Variants in AMPH observed in about 807,000 individuals in gnomAD.
AMPH encodes the protein amphiphysin (Stiff-Mann syndrome with breast cancer 128kD autoantigen).
Under a neutral mutation model 99.1 loss-of-function variants are expected in AMPH, and 49 were observed. The observed-to-expected ratio is 0.49, with a 90% CI of 0.39 to 0.63. The LOEUF (loss-of-function observed/expected upper bound fraction) is 0.63, where lower values mean the gene tolerates loss of function less well. AMPH is among the 20% of genes least tolerant of loss of function. The pLI is 0.00. For synonymous variants in AMPH, 314 were observed against 317.3 expected, an observed-to-expected ratio of 0.99 and a Z score of 0.11; for missense variants, 759 against 863.4, an observed-to-expected ratio of 0.88 and a Z score of 1.52.
chr7:38,615,685 G>C (rs892067117), intron 1 of AMPH, among the ~76,000 whole-genome samples: 2 of 152,136 alleles, frequency 1.3e-5, no homozygotes, highest in Admixed American at 1.3e-4. Context: ...TCACTTCTTG[G>C]GCTGCCCCTC....
chr7:38,544,841 A>G (rs57582937), intron 1 of AMPH, among the ~76,000 whole-genome samples: 12,699 of 152,206 alleles, frequency 0.083, 843 homozygotes, highest in East Asian at 0.31. Flanking sequence ...TTGACTTCAT[A>G]TCTTCACTTT....
intron 1 of AMPH, among the ~76,000 whole-genome samples, chr7:38,616,159 G>A (rs561992657): frequency 5.3e-5 from 8 of 152,216 alleles, no homozygotes; most frequent in South Asian, 4.1e-4. Flanking sequence ...CAAGCAAGTC[G>A]TAGTCTGAGT....
At chr7:38,497,474 A>T (rs1788974093) in intron 3 of AMPH, among the ~76,000 whole-genome samples, 1 of 152,120 alleles carries the variant, frequency 6.6e-6, no homozygotes, top group Non-Finnish European at 1.5e-5. Context: ...TTCATATAAC[A>T]TTGTCTATTC....
chr7:38,587,012 TACACACACACACAC>T (rs36077157), intron 1 of AMPH, among the ~76,000 whole-genome samples: 4 of 149,580 alleles, frequency 2.7e-5, no homozygotes, highest in Non-Finnish European at 5.9e-5. Flanking sequence ...ATTGTGTAAA[TACACACACACACAC>T]ACACACACAC....
At chr7:38,579,028 T>A (rs568921590) in intron 1 of AMPH, among the ~76,000 whole-genome samples, 2 of 152,174 alleles carry the variant, frequency 1.3e-5, no homozygotes, top group Non-Finnish European at 2.9e-5. Context: ...GCAAATCATA[T>A]CTTAGTGTTA....
intron 13 of AMPH, 102 bp downstream of exon 13, chr7:38,432,087 T>C (rs769708268): frequency 2.0e-6 from 2 of 1,015,632 alleles, no homozygotes; most frequent in Non-Finnish European, 3.2e-6. Flanking sequence ...CATCATTAAA[T>C]GTATGTGTCT....
chr7:38,398,169 C>A, intron 17 of AMPH, among the ~76,000 whole-genome samples: 1 of 128,882 alleles, frequency 7.8e-6, no homozygotes, highest in Non-Finnish European at 1.6e-5. Flanking sequence ...AATCCCACTG[C>A]TAGGTATATA....
At chr7:38,522,235 T>A (rs1486425678) in intron 2 of AMPH, among the ~76,000 whole-genome samples, 1 of 152,224 alleles carries the variant, frequency 6.6e-6, no homozygotes, top group Non-Finnish European at 1.5e-5. Context: ...TAAGTTAATA[T>A]GGCCATATAT....
At chr7:38,469,033 A>G (rs1436921518) in intron 7 of AMPH, among the ~76,000 whole-genome samples, 1 of 115,114 alleles carries the variant, frequency 8.7e-6, no homozygotes, top group East Asian at 3.3e-4. Flanking sequence ...GGGCGCCTGT[A>G]GTCCCAGCTA....
intron 11 of AMPH, among the ~76,000 whole-genome samples, chr7:38,460,358 G>T (rs1297072941): frequency 6.6e-6 from 1 of 152,082 alleles, no homozygotes; most frequent in Non-Finnish European, 1.5e-5. Flanking sequence ...CAAAAGAAAA[G>T]AAATGTGTAT....
intron 5 of AMPH, among the ~76,000 whole-genome samples, chr7:38,481,533 T>C (rs1395004781): frequency 6.6e-6 from 1 of 152,168 alleles, no homozygotes; most frequent in Non-Finnish European, 1.5e-5. Context: ...TATTTTACAA[T>C]AACTGCTCAC....
At chr7:38,595,493 G>A (rs1191948971) in intron 1 of AMPH, among the ~76,000 whole-genome samples, 2 of 152,240 alleles carry the variant, frequency 1.3e-5, no homozygotes, top group African/African-American at 2.4e-5. Flanking sequence ...AGGTTGTGGA[G>A]AAGTGCAAGA....
chr7:38,404,012 T>C (rs1784914865), intron 17 of AMPH, among the ~76,000 whole-genome samples: 1 of 152,188 alleles, frequency 6.6e-6, no homozygotes, highest in South Asian at 2.1e-4. Flanking sequence ...GTCACAGAGC[T>C]GTCTGCTCTG....
chr7:38,570,784 G>T (rs988893459), intron 1 of AMPH, among the ~76,000 whole-genome samples: 1 of 149,388 alleles, frequency 6.7e-6, no homozygotes, highest in Non-Finnish European at 1.5e-5. Context: ...GTTGTCCTAG[G>T]AGATGACAGC....
intron 17 of AMPH, among the ~76,000 whole-genome samples, chr7:38,403,320 C>T (rs1162149313): frequency 6.6e-6 from 1 of 152,218 alleles, no homozygotes; most frequent in African/African-American, 2.4e-5. Flanking sequence ...CCTTCTGTGA[C>T]AAACTGCTGA....
chr7:38,565,017 G>A lies in AMPH; in HGVS notation c.70-30006C>T, dbSNP rs533743244. 6.6e-3 allele frequency among the ~76,000 whole-genome samples: 1,002 copies of A among 151,696 alleles called. 8 individuals are homozygous for A. Among genetic ancestry groups the A allele is most frequent in the African/African-American group, 0.023 (934 of 41,370 alleles). ...CGGGTGCCTGTAGTCCCAGCTACTC[G>A]GGAGGCTGAGGCAGGAGAATGGCGT... On this transcript the variant is annotated intron_variant, in intron 1 of 20. Coordinates refer to ENST00000356264, the MANE Select transcript of AMPH (RefSeq NM_001635.4).
At chr7:38,604,641 G>A (rs1204464791) in intron 1 of AMPH, among the ~76,000 whole-genome samples, 1 of 152,128 alleles carries the variant, frequency 6.6e-6, no homozygotes, top group East Asian at 1.9e-4. Flanking sequence ...TAAGGTTCCT[G>A]AGAACTGGAA....
chr7:38,610,604 C>T (rs1443425123), intron 1 of AMPH, among the ~76,000 whole-genome samples: 2 of 151,904 alleles, frequency 1.3e-5, no homozygotes, highest in Admixed American at 6.6e-5. Flanking sequence ...CTTGCACTAT[C>T]TACTAATCTT....
chr7:38,495,198 A>G (rs1788885020), intron 3 of AMPH, among the ~76,000 whole-genome samples: 1 of 152,194 alleles, frequency 6.6e-6, no homozygotes, highest in Non-Finnish European at 1.5e-5. Flanking sequence ...ACCCAAGGCT[A>G]ATTCATATAA....
Sources: gnomAD v4.1 joint callset for allele counts (sites outside exome capture counted in the v4.1 genomes callset) on GRCh38, gnomAD v4.1.1 for gene constraint, MANE v1.5 for transcripts, NCBI Gene and HGNC (gene_info 2026-07-23, HGNC 2026-07-21) for gene names.